Variants in SORCS3 observed in about 807,000 individuals in gnomAD.
The protein encoded by SORCS3 is sortilin related VPS10 domain containing receptor 3.
SORCS3 carries 57 observed loss-of-function variants against 146.3 expected under a neutral mutation model. The observed-to-expected ratio is 0.39, with a 90% CI of 0.31 to 0.49. SORCS3 has a LOEUF of 0.49. SORCS3 is among the 20% of genes least tolerant of loss of function. The probability of loss-of-function intolerance (pLI) is 0.92; values close to 1 mark genes in which losing one functional copy is unlikely to be tolerated. For missense variants in SORCS3, 1,341 were observed against 1,575.5 expected (o/e 0.85, Z 2.52); for synonymous variants, 653 against 618.5 (o/e 1.06, Z -0.83).
chr10:104,898,192 C>G (rs999073401), intron 2 of SORCS3, among the ~76,000 whole-genome samples: 2 of 152,170 alleles, frequency 1.3e-5, no homozygotes, highest in Non-Finnish European at 2.9e-5. Context: ...CTTGGTCTCT[C>G]CAAGCCTCGC....
chr10:105,028,198 G>A (rs1307136420), intron 4 of SORCS3, among the ~76,000 whole-genome samples: 1 of 152,236 alleles, frequency 6.6e-6, no homozygotes, highest in East Asian at 1.9e-4. Flanking sequence ...ACTCCATGGA[G>A]TCAGGGGTCA....
At chr10:104,666,389 C>G (rs1047824348) in intron 1 of SORCS3, among the ~76,000 whole-genome samples, 9 of 152,150 alleles carry the variant, frequency 5.9e-5, no homozygotes, top group African/African-American at 2.2e-4. Flanking sequence ...AGGATTGAAA[C>G]TGCCTGGAGG....
At chr10:104,984,518 G>T (rs2054950896) in intron 4 of SORCS3, among the ~76,000 whole-genome samples, 1 of 152,026 alleles carries the variant, frequency 6.6e-6, no homozygotes, top group African/African-American at 2.4e-5. Context: ...GAAGCTCTAG[G>T]CATAACAATG....
chr10:104,766,657 C>T (rs531940553), intron 1 of SORCS3, among the ~76,000 whole-genome samples: 3 of 152,304 alleles, frequency 2.0e-5, no homozygotes, highest in African/African-American at 7.2e-5. Flanking sequence ...TGAGCATTCA[C>T]ATTGACTTTC....
Position 104,876,409 on chromosome 10 carries a change from C to T in SORCS3, c.695+33550C>T, listed in dbSNP as rs143421890. On this transcript the variant is annotated intron_variant, in intron 2 of 26. Transcript: ENST00000369701. ...TTCCAAAATATTTTCTAGATATGCA[C>T]TCTTCACATTAATCTGTAGAAGCAC... Among the ~76,000 whole-genome samples the T allele has an allele frequency of 4.4e-4, 67 of 152,296 alleles. No homozygotes were observed. In the East Asian group the frequency reaches 0.011, roughly 25 times the overall value.
chr10:104,719,272 C>T (rs1038613146), intron 1 of SORCS3, among the ~76,000 whole-genome samples: 1 of 152,110 alleles, frequency 6.6e-6, no homozygotes, highest in Non-Finnish European at 1.5e-5. Context: ...TTATTTTATT[C>T]CTTCCTCATT....
intron 2 of SORCS3, among the ~76,000 whole-genome samples, chr10:104,898,530 T>C (rs1292914317): frequency 6.6e-6 from 1 of 152,232 alleles, no homozygotes; most frequent in Non-Finnish European, 1.5e-5. Flanking sequence ...CACTGTTATA[T>C]TCCTGTGGCA....
At position 104,916,055 on chromosome 10, in the gene SORCS3, G is replaced by A; in HGVS notation, c.795+123G>A. The A allele has an allele frequency of 5.8e-6, 4 of 687,180 alleles. No homozygotes were observed. The South Asian group carries it at 7.2e-5, about 12-fold the overall frequency. The allele number at this position is 687,180 out of a possible 1,614,324, so 42.6% of individuals were successfully genotyped here. Reference sequence around the variant, plus strand: ...TTTACAGAGGTCTGGTTTATATGCTGGGAACTTCATAAACGCTGTTTGTAA... The same window carrying A: ...TTTACAGAGGTCTGGTTTATATGCTAGGAACTTCATAAACGCTGTTTGTAA... On this transcript the variant is annotated intron_variant, in intron 3 of 26. Transcript: ENST00000369701.
intron 13 of SORCS3, among the ~76,000 whole-genome samples, chr10:105,171,690 C>T (rs1311452012): frequency 6.6e-6 from 1 of 152,138 alleles, no homozygotes; most frequent in Non-Finnish European, 1.5e-5. Context: ...ACCTCATGTA[C>T]TGGGGATAAA....
intron 3 of SORCS3, among the ~76,000 whole-genome samples, chr10:104,939,221 T>C (rs1336393538): frequency 6.6e-6 from 1 of 152,216 alleles, no homozygotes; most frequent in Non-Finnish European, 1.5e-5. Flanking sequence ...TACTCCCTTT[T>C]TGATGCTTTC....
intron 2 of SORCS3, among the ~76,000 whole-genome samples, chr10:104,846,748 C>T (rs1400062835): frequency 2.0e-5 from 3 of 152,154 alleles, no homozygotes; most frequent in East Asian, 1.9e-4. Context: ...GTAAATTTGT[C>T]GTTTAGCACA....
intron 1 of SORCS3, among the ~76,000 whole-genome samples, chr10:104,703,667 C>T (rs558938720): frequency 3.4e-5 from 5 of 147,684 alleles, no homozygotes; most frequent in African/African-American, 1.3e-4. Flanking sequence ...CCATGTCACA[C>T]GTATACCTAT....
chr10:104,659,874 G>T (rs2015678772), intron 1 of SORCS3, among the ~76,000 whole-genome samples: 1 of 152,118 alleles, frequency 6.6e-6, no homozygotes, highest in South Asian at 2.1e-4. Context: ...CTCCTGTGAG[G>T]GTGTGTATTT....
intron 4 of SORCS3, among the ~76,000 whole-genome samples, chr10:105,041,826 A>G (rs1020294845): frequency 3.3e-5 from 5 of 152,114 alleles, no homozygotes; most frequent in Non-Finnish European, 7.3e-5. Flanking sequence ...ATGTGGTCCA[A>G]TTTCTATAAA....
intron 2 of SORCS3, among the ~76,000 whole-genome samples, chr10:104,865,797 C>T (rs1323206123): frequency 2.0e-5 from 3 of 152,190 alleles, no homozygotes; most frequent in Non-Finnish European, 2.9e-5. Flanking sequence ...GAGCACAATG[C>T]ATCTGACAAT....
intron 1 of SORCS3, among the ~76,000 whole-genome samples, chr10:104,697,889 T>C (rs1279572671): frequency 6.6e-6 from 1 of 152,180 alleles, no homozygotes; most frequent in African/African-American, 2.4e-5. Flanking sequence ...GGGGTCTGGT[T>C]TAATGAGGCT....
chr10:104,840,778 T>TG, intron 1 of SORCS3, among the ~76,000 whole-genome samples: 1 of 152,292 alleles, frequency 6.6e-6, no homozygotes, highest in African/African-American at 2.4e-5. Flanking sequence ...TAGAGGCATG[T>TG]GCCCTGAAGG....
At chr10:105,222,248 AG>A (rs1360446270) in intron 19 of SORCS3, among the ~76,000 whole-genome samples, 1 of 151,772 alleles carries the variant, frequency 6.6e-6, no homozygotes, top group Non-Finnish European at 1.5e-5. Context: ...TAGTGAAGAC[AG>A]GGTTTCACCA....
At chr10:104,769,456 G>T (rs1041403161) in intron 1 of SORCS3, among the ~76,000 whole-genome samples, 2 of 152,234 alleles carry the variant, frequency 1.3e-5, no homozygotes, top group African/African-American at 4.8e-5. Flanking sequence ...ATGGAGGCTG[G>T]CCATGGTCCT....
Sources: allele counts gnomAD v4.1 joint callset (sites outside exome capture counted in the v4.1 genomes callset), GRCh38; gene constraint gnomAD v4.1.1; transcripts MANE v1.5; gene names NCBI Gene and HGNC (gene_info 2026-07-23, HGNC 2026-07-21).